Variants in REDIC1 observed in about 807,000 individuals in gnomAD.
REDIC1 encodes HEI10 Interacting Protein 1.
chr12:39,711,636 T>C, the REDIC1 span, among the ~76,000 whole-genome samples: 3 of 12,166 alleles, frequency 2.5e-4, no homozygotes, highest in Non-Finnish European at 1.7e-3. Flanking sequence ...CGTATGTGTA[T>C]ATGTGTATAC....
chr12:39,756,816 CTT>C, the REDIC1 span: 4 of 151,540 alleles, frequency 2.6e-5, no homozygotes, highest in African/African-American at 7.3e-5. Context: ...GAGTGAATAA[CTT>C]AATATTTAGA....
At chr12:39,713,774 T>G in the REDIC1 span, among the ~76,000 whole-genome samples, 31 of 149,206 alleles carry the variant, frequency 2.1e-4, no homozygotes, top group Admixed American at 4.0e-4. Context: ...TATATATATT[T>G]GTACGTAAAT....
chr12:39,667,154 G>T, the REDIC1 span, among the ~76,000 whole-genome samples: 102 of 152,002 alleles, frequency 6.7e-4, 1 homozygote, highest in Non-Finnish European at 4.1e-4. Flanking sequence ...TTTAATTGTG[G>T]TGTTAGGGTG....
chr12:39,861,800 T>A, the REDIC1 span, among the ~76,000 whole-genome samples: 2 of 152,348 alleles, frequency 1.3e-5, no homozygotes, highest in East Asian at 3.9e-4. Flanking sequence ...ACATTTTCTA[T>A]AGCAACTTGC....
chr12:39,749,944 G>A, the REDIC1 span, among the ~76,000 whole-genome samples: 3 of 152,062 alleles, frequency 2.0e-5, no homozygotes, highest in Non-Finnish European at 4.4e-5. Context: ...ATTTATGACA[G>A]ACCCACAGCC....
chr12:39,669,766 C>T, the REDIC1 span, among the ~76,000 whole-genome samples: 1 of 152,188 alleles, frequency 6.6e-6, no homozygotes, highest in Non-Finnish European at 1.5e-5. Flanking sequence ...GCGCCCCTCC[C>T]AGCCTGGCTG....
the REDIC1 span, among the ~76,000 whole-genome samples, chr12:39,896,233 T>C: frequency 1.0e-5 from 1 of 100,500 alleles, no homozygotes; most frequent in Non-Finnish European, 2.3e-5. Context: ...TATATGCATA[T>C]GTGTATATAT....
chr12:39,633,341 GT>G, the REDIC1 span, among the ~76,000 whole-genome samples: 2 of 152,024 alleles, frequency 1.3e-5, no homozygotes, highest in Non-Finnish European at 2.9e-5. Context: ...CAATCTCATT[GT>G]CTTCACCTCT....
the REDIC1 span, among the ~76,000 whole-genome samples, chr12:39,686,222 A>G: frequency 6.6e-6 from 1 of 152,170 alleles, no homozygotes; most frequent in Admixed American, 6.5e-5. Context: ...CTCCAATTCC[A>G]CATTGCCTCT....
the REDIC1 span, among the ~76,000 whole-genome samples, chr12:39,703,412 C>G: frequency 1.6e-4 from 24 of 149,538 alleles, no homozygotes; most frequent in South Asian, 5.3e-3. Context: ...GAACTACAAA[C>G]CACTGCTCAA....
chr12:39,716,597 G>A, the REDIC1 span, among the ~76,000 whole-genome samples: 1 of 151,932 alleles, frequency 6.6e-6, no homozygotes, highest in Non-Finnish European at 1.5e-5. Context: ...GAATTGTAAG[G>A]TGCCAAGTAT....
chr12:39,637,244 ATTTTC>A, the REDIC1 span, among the ~76,000 whole-genome samples: 9 of 152,036 alleles, frequency 5.9e-5, no homozygotes, highest in Admixed American at 5.9e-4. Context: ...TGACCTACCA[ATTTTC>A]TTTTAAGTAC....
chr12:39,854,438 G>A, the REDIC1 span, among the ~76,000 whole-genome samples: 8 of 152,022 alleles, frequency 5.3e-5, no homozygotes, highest in African/African-American at 9.7e-5. Context: ...CCACATAATC[G>A]GCACTGAGTA....
chr12:39,795,961 G>T, the REDIC1 span, among the ~76,000 whole-genome samples: 12 of 152,114 alleles, frequency 7.9e-5, no homozygotes, highest in East Asian at 1.9e-3. Flanking sequence ...GAGTTGTGTA[G>T]CCATCATCAC....
At chr12:39,875,788 C>A in the REDIC1 span, among the ~76,000 whole-genome samples, 1 of 152,166 alleles carries the variant, frequency 6.6e-6, no homozygotes, top group African/African-American at 2.4e-5. Flanking sequence ...ATTTAACTTA[C>A]AATTACAAAG....
At chr12:39,679,541 A>G in the REDIC1 span, among the ~76,000 whole-genome samples, 1 of 152,216 alleles carries the variant, frequency 6.6e-6, no homozygotes, top group African/African-American at 2.4e-5. Flanking sequence ...GATGTGTAGA[A>G]TTAATACTGT....
At chr12:39,743,485 A>G in the REDIC1 span, among the ~76,000 whole-genome samples, 1 of 152,228 alleles carries the variant, frequency 6.6e-6, no homozygotes, top group Non-Finnish European at 1.5e-5. Flanking sequence ...AAAAGGCAAA[A>G]AACACAATTT....
At chr12:39,736,006 A>G in the REDIC1 span, among the ~76,000 whole-genome samples, 18 of 152,308 alleles carry the variant, frequency 1.2e-4, no homozygotes, top group African/African-American at 4.3e-4. Flanking sequence ...CCATCACAAA[A>G]AGAGAGCTTT....
chr12:39,826,722 A>G, the REDIC1 span, among the ~76,000 whole-genome samples: 68 of 151,262 alleles, frequency 4.5e-4, no homozygotes, highest in Non-Finnish European at 7.4e-5. Context: ...TTTTTTTTGC[A>G]AAATTGCTGA....
Sources: allele counts gnomAD v4.1 joint callset (sites outside exome capture counted in the v4.1 genomes callset), GRCh38; gene constraint gnomAD v4.1.1; transcripts MANE v1.5; gene names NCBI Gene and HGNC (gene_info 2026-07-23, HGNC 2026-07-21).